The following STOM variants were observed in gnomAD, a reference collection of about 807,000 sequenced individuals.
The protein encoded by STOM is erythrocyte band 7 integral membrane protein.
A neutral mutation model predicts 30.6 loss-of-function variants in STOM; 25 were observed. The observed-to-expected ratio is 0.82, with a 90% CI of 0.60 to 1.14. STOM has a LOEUF of 1.14. Ranked by LOEUF, STOM falls within the 50% of genes most tolerant of loss-of-function variation. STOM has a pLI of 0.00. For missense variants in STOM, 292 were observed against 365.2 expected, an observed-to-expected ratio of 0.80 and a Z score of 1.63; for synonymous variants, 118 against 130.8, an observed-to-expected ratio of 0.90 and a Z score of 0.67.
intron 1 of STOM, among the ~76,000 whole-genome samples, chr9:121,361,380 CTTTTTTTTTTTTTT>C (rs5900482): frequency 4.9e-5 from 2 of 41,080 alleles, no homozygotes; most frequent in South Asian, 1.4e-3. Context: ...CACTTGTGGA[CTTTTTTTTTTTTTT>C]TTTTTTTTTT....
In STOM at chr9:121,348,103, C is replaced by T. The variant is rs763192503; in HGVS notation, c.572G>A (p.Arg191His). 4 of 1,614,090 alleles carry T rather than the reference C, an allele frequency of 2.5e-6. No homozygotes were observed. The highest frequency in any genetic ancestry group is 1.7e-5 in the Admixed American group (1 of 60,008). Reference sequence around the variant, plus strand: ...TAGTTTCACATCCTTAATTTCCACACGCTCCACCTTTATTCCCCAGGCATC... The same window carrying T: ...TAGTTTCACATCCTTAATTTCCACATGCTCCACCTTTATTCCCCAGGCATC... Reference protein sequence around the residue: ...ATDAWGIKVERVEIKDVKLPV... With the variant: ...ATDAWGIKVEHVEIKDVKLPV... The change falls in exon 6 of 7, where the codon CGT (arginine) becomes CAT (histidine). Residue 191 changes from arginine (R) to histidine (H), a missense_variant. Arg to His is a conservative substitution (Grantham distance 29). Transcript: ENST00000286713.
chr9:121,355,962 T>C, intron 2 of STOM, 91 bp downstream of exon 2: 1 of 833,752 alleles, frequency 1.2e-6, no homozygotes, highest in East Asian at 2.8e-5. Context: ...AGACAGTCTG[T>C]TTCTTTCTCA....
At chr9:121,348,246 G>C in intron 5 of STOM, 97 bp from the exon 6 acceptor site, 1 of 1,562,238 alleles carries the variant, frequency 6.4e-7, no homozygotes, top group Admixed American at 1.7e-5. Context: ...TAAGGTGCTG[G>C]GGAGAGTTGT....
chr9:121,353,381 A>G (rs2064356670), intron 3 of STOM, 79 bp from the exon 4 acceptor site: 3 of 913,868 alleles, frequency 3.3e-6, no homozygotes, highest in Middle Eastern at 2.3e-4. Context: ...AAGAAAATCA[A>G]CCTAGTGAAC....
chr9:121,355,973 C>A, intron 2 of STOM, 80 bp downstream of exon 2: 1 of 984,516 alleles, frequency 1.0e-6, no homozygotes, highest in Non-Finnish European at 1.5e-6. Flanking sequence ...TTCTTTCTCA[C>A]ATACACACAG....
chr9:121,363,381 T>C (rs367675337), intron 1 of STOM, among the ~76,000 whole-genome samples: 4 of 151,990 alleles, frequency 2.6e-5, no homozygotes, highest in African/African-American at 9.7e-5. Flanking sequence ...AACATATGTA[T>C]TCAGGATTAA....
intron 5 of STOM, 116 bp from the exon 6 acceptor site, chr9:121,348,265 A>AC: frequency 6.9e-7 from 1 of 1,438,974 alleles, no homozygotes. Context: ...GTGGAGAGAC[A>AC]GTTACCCCAC....
At chr9:121,345,268 T>TGTAAC (rs1168040620) in intron 6 of STOM, among the ~76,000 whole-genome samples, 1 of 152,206 alleles carries the variant, frequency 6.6e-6, no homozygotes, top group East Asian at 1.9e-4. Context: ...ACAGTGGTTG[T>TGTAAC]ATTAAGTTAC....
At position 121,368,800 on chromosome 9, in the gene STOM, C is replaced by T. The variant is rs187194001; in HGVS notation, c.61+1327G>A. 2.6e-5 allele frequency among the ~76,000 whole-genome samples: 4 copies of T among 151,986 alleles called. No homozygotes were observed. In the East Asian group the frequency reaches 7.8e-4, roughly 29 times the overall value. On this transcript the variant is annotated intron_variant, in intron 1 of 6. Transcript: ENST00000286713. ...TACAAAAAATACAAAATCAGCTGGG[C>T]ATGGTGGTGCACGCCTGTAATCCCA...
intron 4 of STOM, 126 bp downstream of exon 4, chr9:121,353,094 A>G (rs2064353523): frequency 2.5e-6 from 1 of 405,240 alleles, no homozygotes; most frequent in Non-Finnish European, 4.1e-6. Context: ...TTCCAATTAA[A>G]ACAAACAAAC....
chr9:121,342,105 C>T (rs1018878104), intron 6 of STOM, among the ~76,000 whole-genome samples: 1 of 152,148 alleles, frequency 6.6e-6, no homozygotes, highest in African/African-American at 2.4e-5. Context: ...TGCAGTGGCT[C>T]ACACCTGTAA....
intron 5 of STOM, 91 bp from the exon 6 acceptor site, chr9:121,348,240 G>C (rs2064307237): frequency 1.9e-6 from 3 of 1,573,290 alleles, no homozygotes; most frequent in Non-Finnish European, 2.6e-6. Flanking sequence ...AGGAGATAAG[G>C]TGCTGGGGAG....
chr9:121,351,246 G>A (rs1357720866), intron 4 of STOM, among the ~76,000 whole-genome samples: 1 of 152,220 alleles, frequency 6.6e-6, no homozygotes, highest in Non-Finnish European at 1.5e-5. Context: ...ACCCTGAAGG[G>A]CTCCTTCTGA....
Position 121,349,282 on chromosome 9 carries a change from C to G in STOM, c.363G>C (p.Val121=). 1 of 1,614,102 alleles carries G rather than the reference C, an allele frequency of 6.2e-7. No homozygotes were observed. Residue 121 remains valine, a synonymous_variant, in exon 5 of 7, where the codon GTG becomes GTC. Coordinates refer to ENST00000286713, the MANE Select transcript of STOM (RefSeq NM_004099.6). ...TTGCATTCTGAACGCGGTAATAGACCACACCATCCACGCTAATTGTCACTG... is the reference window on the plus strand; with the variant it reads ...TTGCATTCTGAACGCGGTAATAGACGACACCATCCACGCTAATTGTCACTG... ...KDSVTISVDG[V]VYYRVQNATL... is the part of the protein sequence containing the mutation.
intron 2 of STOM, 134 bp downstream of exon 2, chr9:121,355,919 G>A: frequency 1.7e-6 from 1 of 603,936 alleles, no homozygotes. Context: ...ATTTTCCAAA[G>A]AAAGATGAAG....
chr9:121,367,766 G>A (rs2064518972), intron 1 of STOM, among the ~76,000 whole-genome samples: 1 of 152,254 alleles, frequency 6.6e-6, no homozygotes. Context: ...CCTTCTGGAA[G>A]TCATCACTGA....
intron 6 of STOM, among the ~76,000 whole-genome samples, chr9:121,344,319 T>A (rs915556102): frequency 1.3e-5 from 2 of 152,300 alleles, no homozygotes; most frequent in South Asian, 4.1e-4. Flanking sequence ...CTCTCATTTT[T>A]TCCATATCAT....
At chr9:121,351,616 A>G (rs1359721967) in intron 4 of STOM, among the ~76,000 whole-genome samples, 2 of 152,230 alleles carry the variant, frequency 1.3e-5, no homozygotes, top group Non-Finnish European at 2.9e-5. Context: ...CAGGATGGCC[A>G]TCACTTTTTC....
At position 121,340,788 on chromosome 9, in the gene STOM, C is replaced by T; in HGVS notation, c.*414G>A. 2.0e-6 allele frequency: 2 copies of T among 1,010,182 alleles called. No homozygotes were observed. Among genetic ancestry groups the T allele is most frequent in the Non-Finnish European group, 1.2e-6 (1 of 844,040 alleles). 62.6% of individuals were successfully genotyped at this position (1,010,182 alleles called of 1,614,324 possible). A position where few individuals can be genotyped will look rare whatever the true frequency, so the allele number is the denominator to read the frequency against. On this transcript the variant is annotated 3_prime_UTR_variant, in exon 7 of 7. Coordinates refer to ENST00000286713, the MANE Select transcript of STOM (RefSeq NM_004099.6). ...AAAAAGACTCTCTGGAGGTAAGGCACATATGACCTGGAGAAGCTGGTTGTG... is the reference window on the plus strand; with the variant it reads ...AAAAAGACTCTCTGGAGGTAAGGCATATATGACCTGGAGAAGCTGGTTGTG...
Sources: gnomAD v4.1 joint callset for allele counts (sites outside exome capture counted in the v4.1 genomes callset) on GRCh38, gnomAD v4.1.1 for gene constraint, MANE v1.5 for transcripts, NCBI Gene and HGNC (gene_info 2026-07-23, HGNC 2026-07-21) for gene names.